The following GINM1 variants were observed in gnomAD, a reference collection of about 807,000 sequenced individuals.
GINM1 encodes glycosylated integral membrane protein 1.
Under a neutral mutation model 37.8 loss-of-function variants are expected in GINM1, and 29 were observed. The ratio of observed to expected loss-of-function variants is 0.77; its 90% CI spans 0.57 to 1.05. GINM1 has a LOEUF of 1.05. Among genes scored for constraint, GINM1 ranks in the 50% least tolerant of loss-of-function variants. GINM1 has a pLI of 0.00. For synonymous variants in GINM1, 143 were observed against 146.2 expected (o/e 0.98, Z 0.16); for missense variants, 377 against 397.9 (o/e 0.95, Z 0.45).
At chr6:149,567,814 C>G (rs1344051289) in intron 1 of GINM1, among the ~76,000 whole-genome samples, 4 of 152,196 alleles carry the variant, frequency 2.6e-5, no homozygotes, top group Non-Finnish European at 4.4e-5. Flanking sequence ...ACAGTTGCAT[C>G]TGGTTAAACA....
At chr6:149,575,746 G>A (rs932092549) in intron 3 of GINM1, among the ~76,000 whole-genome samples, 11 of 152,182 alleles carry the variant, frequency 7.2e-5, no homozygotes, top group African/African-American at 2.7e-4. Context: ...CTGATCCATG[G>A]TAGCTAAGAA....
intron 7 of GINM1, among the ~76,000 whole-genome samples, chr6:149,586,778 T>G (rs182370054): frequency 3.2e-3 from 489 of 152,204 alleles, no homozygotes; most frequent in Non-Finnish European, 5.5e-3. Context: ...TGAGACAAGG[T>G]CTCACCTTGA....
rs1777986511 is a variant in GINM1 at position 149,580,691 on chromosome 6, CCT to C, written c.689_690del (p.Leu230GlnfsTer9). On this transcript the variant is annotated frameshift_variant, in exon 6 of 8. Transcript: ENST00000367419. LOFTEE classifies it high-confidence loss of function. Reference sequence around the variant, plus strand: ...TTTACCTGGCAAGTTACCTGAAACTCCTCTCAGAGCAGAGCCGCCATCTTCAT... The same window carrying C: ...TTTACCTGGCAAGTTACCTGAAACTCCTCAGAGCAGAGCCGCCATCTTCAT... ...DVLPGKLPET[P>X]LRAEPPSSYK... The C allele has an allele frequency of 6.2e-7, 1 of 1,613,776 alleles. No individual in the cohort carries two copies. The highest frequency in any genetic ancestry group is 8.5e-7 in the Non-Finnish European group (1 of 1,179,844).
chr6:149,572,496 T>C lies in GINM1; in HGVS notation c.181-11T>C, dbSNP rs747900873. 6.7e-6 allele frequency: 10 copies of C among 1,502,808 alleles called. No individual in the cohort carries two copies. In the Admixed American group the frequency reaches 1.2e-4, roughly 18 times the overall value. 93.1% of individuals were successfully genotyped at this position (1,502,808 alleles called of 1,614,324 possible). A position where few individuals can be genotyped will look rare whatever the true frequency, so the allele number is the denominator to read the frequency against. On this transcript the variant is annotated splice_polypyrimidine_tract_variant and intron_variant, in intron 2 of 7. Coordinates refer to ENST00000367419, the MANE Select transcript of GINM1 (RefSeq NM_138785.5). ...ATATTGGAATTAATGTATATGCTGCTTTATTTTAAGGTTGTTCTTAACATA... is the reference window on the plus strand; with the variant it reads ...ATATTGGAATTAATGTATATGCTGCCTTATTTTAAGGTTGTTCTTAACATA...
chr6:149,577,909 C>G (rs530420816), intron 3 of GINM1, among the ~76,000 whole-genome samples: 1 of 152,300 alleles, frequency 6.6e-6, no homozygotes, highest in African/African-American at 2.4e-5. Context: ...TCTACTGGAG[C>G]AGGAGTAGAG....
At chr6:149,580,131 G>C in intron 5 of GINM1, 141 bp downstream of exon 5, 1 of 598,062 alleles carries the variant, frequency 1.7e-6, no homozygotes, top group Non-Finnish European at 2.8e-6. Context: ...GTTTGGAAAT[G>C]AGCTTGTTTA....
At chr6:149,573,103 A>G (rs1777856130) in intron 3 of GINM1, among the ~76,000 whole-genome samples, 1 of 152,134 alleles carries the variant, frequency 6.6e-6, no homozygotes, top group African/African-American at 2.4e-5. Flanking sequence ...TGGGCAGATC[A>G]CGAGAGGTCA....
intron 7 of GINM1, among the ~76,000 whole-genome samples, chr6:149,583,136 G>A (rs1178939163): frequency 1.3e-5 from 2 of 152,006 alleles, no homozygotes; most frequent in Non-Finnish European, 2.9e-5. Flanking sequence ...AGACCATCCT[G>A]GCCAACATGG....
intron 3 of GINM1, among the ~76,000 whole-genome samples, 155 bp from the exon 4 acceptor site, chr6:149,578,667 A>C (rs1254118287): frequency 6.6e-6 from 1 of 152,166 alleles, no homozygotes; most frequent in Admixed American, 6.5e-5. Context: ...TGTTTTTAAT[A>C]AATCTGAAAC....
intron 7 of GINM1, among the ~76,000 whole-genome samples, chr6:149,584,262 C>T (rs185738832): frequency 9.2e-5 from 14 of 152,214 alleles, no homozygotes; most frequent in African/African-American, 2.9e-4. Context: ...GGATTACAGG[C>T]GTGAGCCACT....
intron 7 of GINM1, among the ~76,000 whole-genome samples, chr6:149,589,042 G>T (rs972456221): frequency 6.6e-6 from 1 of 152,002 alleles, no homozygotes; most frequent in African/African-American, 2.4e-5. Flanking sequence ...GACCTCAAGT[G>T]ACCCACCCGT....
Position 149,587,143 on chromosome 6 carries a change from G to A in GINM1, c.882-3584G>A, listed in dbSNP as rs117209921. Among the ~76,000 whole-genome samples the A allele has an allele frequency of 5.1e-3, 776 of 152,206 alleles. 3 individuals are homozygous for A. Among genetic ancestry groups the A allele is most frequent in the South Asian group, 0.015 (71 of 4,826 alleles). Reference sequence around the variant, plus strand: ...TAGCTTACCTATTCTTTTTATGGCTGCATAGTTCTAAAGGAGATAGGAAAA... The same window carrying A: ...TAGCTTACCTATTCTTTTTATGGCTACATAGTTCTAAAGGAGATAGGAAAA... On this transcript the variant is annotated intron_variant, in intron 7 of 7. Transcript: ENST00000367419.
At chr6:149,579,810 G>T in intron 4 of GINM1, 24 bp from the exon 5 acceptor site, 3 of 1,471,308 alleles carry the variant, frequency 2.0e-6, no homozygotes, top group Non-Finnish European at 2.8e-6. Context: ...TTAAAATAAA[G>T]AATAATTATA....
chr6:149,584,259 A>C (rs969306435), intron 7 of GINM1, among the ~76,000 whole-genome samples: 1 of 152,202 alleles, frequency 6.6e-6, no homozygotes, highest in Non-Finnish European at 1.5e-5. Flanking sequence ...CTGGGATTAC[A>C]GGCGTGAGCC....
At chr6:149,578,998 G>T (rs763805220) in intron 4 of GINM1, 25 bp downstream of exon 4, 1 of 1,360,072 alleles carries the variant, frequency 7.4e-7, no homozygotes, top group East Asian at 2.3e-5. Context: ...TTATTAATTG[G>T]GAATTAAATG....
chr6:149,570,136 TTATA>T (rs549791771), intron 1 of GINM1, among the ~76,000 whole-genome samples: 48 of 45,720 alleles, frequency 1.0e-3, no homozygotes, highest in Admixed American at 1.7e-3. Context: ...TAGGTAGGTT[TTATA>T]TATATATATA....
chr6:149,580,798 G>A (rs1028009241), intron 6 of GINM1, 75 bp downstream of exon 6: 10 of 1,344,762 alleles, frequency 7.4e-6, no homozygotes, highest in Non-Finnish European at 1.1e-5. Context: ...ATTTAAAATG[G>A]AGTGGAAATC....
chr6:149,574,343 T>C (rs971641767), intron 3 of GINM1, among the ~76,000 whole-genome samples: 38 of 152,254 alleles, frequency 2.5e-4, no homozygotes, highest in Non-Finnish European at 3.2e-4. Flanking sequence ...TGAGCCACCG[T>C]GCCCGGCCCA....
At chr6:149,579,585 G>A (rs1403193506) in intron 4 of GINM1, among the ~76,000 whole-genome samples, 2 of 152,016 alleles carry the variant, frequency 1.3e-5, no homozygotes, top group Non-Finnish European at 1.5e-5. Context: ...CTAGCTACTC[G>A]GGAGGCTGAG....
Sources: allele counts gnomAD v4.1 joint callset (sites outside exome capture counted in the v4.1 genomes callset), GRCh38; gene constraint gnomAD v4.1.1; transcripts MANE v1.5; gene names NCBI Gene and HGNC (gene_info 2026-07-23, HGNC 2026-07-21).